The following ITGA9 variants were observed in gnomAD, a reference collection of about 807,000 sequenced individuals.
ITGA9 encodes integrin subunit alpha 9.
A neutral mutation model predicts 127.8 loss-of-function variants in ITGA9; 56 were observed. The observed-to-expected ratio is 0.44, with a 90% CI of 0.35 to 0.55. The LOEUF is 0.55. Among genes scored for constraint, ITGA9 ranks in the 20% least tolerant of loss-of-function variants. The pLI is 0.00. For synonymous variants in ITGA9, 508 were observed against 514.5 expected, an observed-to-expected ratio of 0.99 and a Z score of 0.17; for missense variants, 1,196 against 1,347.1, an observed-to-expected ratio of 0.89 and a Z score of 1.76.
At chr3:37,779,813 A>G in intron 24 of ITGA9, 89 bp from the exon 25 acceptor site, 1 of 1,318,266 alleles carries the variant, frequency 7.6e-7, no homozygotes, top group Non-Finnish European at 1.1e-6. Flanking sequence ...CTTAGTCACC[A>G]AGTTCATGGA....
chr3:37,520,439 C>T (rs1699032733), intron 11 of ITGA9, among the ~76,000 whole-genome samples: 1 of 152,166 alleles, frequency 6.6e-6, no homozygotes, highest in South Asian at 2.1e-4. Context: ...TTTAACTTGC[C>T]CAAGGTCATA....
At chr3:37,535,017 TAAAA>T (rs749420840) in intron 14 of ITGA9, among the ~76,000 whole-genome samples, 3 of 152,240 alleles carry the variant, frequency 2.0e-5, no homozygotes, top group African/African-American at 4.8e-5. Flanking sequence ...TGGACTCTGT[TAAAA>T]AACATTTTTA....
chr3:37,545,519 A>C (rs1317819974), intron 15 of ITGA9, among the ~76,000 whole-genome samples: 1 of 151,964 alleles, frequency 6.6e-6, no homozygotes, highest in Non-Finnish European at 1.5e-5. Flanking sequence ...ATTGGAGGGC[A>C]CCTCCGGAGG....
chr3:37,689,058 G>A (rs1700806635), intron 18 of ITGA9, among the ~76,000 whole-genome samples: 1 of 148,844 alleles, frequency 6.7e-6, no homozygotes, highest in South Asian at 2.1e-4. Context: ...GGCTGGCTGG[G>A]TGGATGGGTG....
chr3:37,463,518 G>T (rs1475614256), intron 1 of ITGA9, among the ~76,000 whole-genome samples: 2 of 152,176 alleles, frequency 1.3e-5, no homozygotes, highest in Admixed American at 6.5e-5. Context: ...TACACATGGT[G>T]GTTGGGTAGG....
intron 17 of ITGA9, among the ~76,000 whole-genome samples, chr3:37,669,729 G>A (rs1700620154): frequency 6.6e-6 from 1 of 152,210 alleles, no homozygotes; most frequent in Non-Finnish European, 1.5e-5. Flanking sequence ...AACCAGACTT[G>A]TGGAGTAATG....
At chr3:37,491,163 A>G (rs1484467760) in intron 4 of ITGA9, among the ~76,000 whole-genome samples, 1 of 151,850 alleles carries the variant, frequency 6.6e-6, no homozygotes, top group African/African-American at 2.4e-5. Context: ...TTTTGTAGAG[A>G]TGGGGGTCTC....
At chr3:37,509,768 G>A (rs964004155) in intron 8 of ITGA9, among the ~76,000 whole-genome samples, 2 of 152,136 alleles carry the variant, frequency 1.3e-5, no homozygotes, top group Non-Finnish European at 2.9e-5. Flanking sequence ...CAAAGCAACA[G>A]CACTGGAAAA....
intron 23 of ITGA9, among the ~76,000 whole-genome samples, chr3:37,764,458 A>T (rs1299304711): frequency 6.3e-5 from 6 of 94,884 alleles, no homozygotes; most frequent in African/African-American, 2.1e-4. Context: ...ACACTCCGAG[A>T]TTCTCAGTAA....
chr3:37,528,065 G>C (rs971887377), intron 13 of ITGA9, among the ~76,000 whole-genome samples: 7 of 152,196 alleles, frequency 4.6e-5, no homozygotes, highest in African/African-American at 1.7e-4. Context: ...GATTACAGGC[G>C]TGAGCCATTG....
Position 37,526,047 on chromosome 3 carries a change from T to A in ITGA9, c.1349T>A (p.Met450Lys). 6.2e-7 allele frequency: 1 copy of A among 1,614,146 alleles called. No homozygotes were observed. The change falls in exon 13 of 28, where the codon ATG becomes AAG. Residue 450 changes from methionine (M) to lysine (K), a missense_variant. By Grantham distance (95) the Met-to-Lys change is moderately conservative (BLOSUM62 -1). Transcript: ENST00000264741. ...GYPDVTVGAF[M>K]SDSVVLLRAR... ...TCAGATGTCACTGTTGGAGCCTTCA[T>A]GTCCGACAGCGTGGTTCTTCTCAGG...
At chr3:37,624,357 T>C (rs1355198912) in intron 15 of ITGA9, among the ~76,000 whole-genome samples, 2 of 151,912 alleles carry the variant, frequency 1.3e-5, no homozygotes, top group African/African-American at 4.8e-5. Context: ...TTCTCCCGAA[T>C]TGAAATGCGT....
intron 18 of ITGA9, among the ~76,000 whole-genome samples, chr3:37,721,141 A>C (rs1195021490): frequency 1.5e-5 from 2 of 134,580 alleles, no homozygotes; most frequent in Admixed American, 1.5e-4. Context: ...TTTTTTTTTA[A>C]GAAAAAATCT....
At chr3:37,522,484 G>C (rs989226854) in intron 11 of ITGA9, among the ~76,000 whole-genome samples, 2 of 152,152 alleles carry the variant, frequency 1.3e-5, no homozygotes, top group Admixed American at 6.5e-5. Flanking sequence ...CCAGTTCCTT[G>C]GGAGGCTGAG....
chr3:37,679,511 C>T (rs368994255), intron 17 of ITGA9, among the ~76,000 whole-genome samples: 79 of 152,160 alleles, frequency 5.2e-4, no homozygotes, highest in African/African-American at 1.7e-3. Flanking sequence ...CCTGCATGGC[C>T]GGGTGACCTC....
rs1362777824 is a variant in ITGA9, at chr3:37,494,572, GGT to G, written c.612+7_612+8del. On this transcript the variant is annotated splice_donor_5th_base_variant and intron_variant, in intron 5 of 27. Transcript: ENST00000264741. Reference sequence around the variant, plus strand: ...GATAGCGGGCTTCTTCACCGAGGTGGGTGTCTGCTGTCTGGGCATTTCTGTTC... The same window carrying G: ...GATAGCGGGCTTCTTCACCGAGGTGGGTCTGCTGTCTGGGCATTTCTGTTC... 1.9e-6 allele frequency: 3 copies of G among 1,611,830 alleles called. No individual in the cohort carries two copies. The highest frequency in any genetic ancestry group is 2.5e-6 in the Non-Finnish European group (3 of 1,178,008).
At chr3:37,558,668 C>T (rs944531223) in intron 15 of ITGA9, among the ~76,000 whole-genome samples, 6 of 152,152 alleles carry the variant, frequency 3.9e-5, no homozygotes, top group East Asian at 1.9e-4. Flanking sequence ...GTGCTGGGCC[C>T]GGGGCAGATG....
Position 37,803,828 on chromosome 3 carries a change from C to T in ITGA9, c.2895C>T (p.Val965=). Reference sequence around the variant, plus strand: ...ACTGTTGCGTTGCCTCCTAGGTGGTCTTCGAGGCCCTGCACAATCTGGAGC... The same window carrying T: ...ACTGTTGCGTTGCCTCCTAGGTGGTTTTCGAGGCCCTGCACAATCTGGAGC... ...AHGNPEEVTV[V]FEALHNLEPR... is the part of the protein sequence containing the mutation. Residue 965 remains valine, a synonymous_variant, in exon 27 of 28, where the codon GTC becomes GTT. Transcript: ENST00000264741. 6.2e-7 allele frequency: 1 copy of T among 1,614,114 alleles called. No individual in the cohort carries two copies. Among genetic ancestry groups the T allele is most frequent in the Non-Finnish European group, 8.5e-7 (1 of 1,180,006 alleles).
intron 15 of ITGA9, among the ~76,000 whole-genome samples, chr3:37,568,897 A>T (rs568041504): frequency 2.0e-4 from 31 of 152,030 alleles, no homozygotes; most frequent in African/African-American, 7.5e-4. Context: ...AACTGTTCCA[A>T]CCTCTGCCTG....
Sources: allele counts gnomAD v4.1 joint callset (sites outside exome capture counted in the v4.1 genomes callset), GRCh38; gene constraint gnomAD v4.1.1; transcripts MANE v1.5; gene names NCBI Gene and HGNC (gene_info 2026-07-23, HGNC 2026-07-21).